The following SBF2 variants were observed in gnomAD, a reference collection of about 807,000 sequenced individuals.
SBF2 encodes myotubularin-related protein 13.
In SBF2, 112 loss-of-function variants were observed where a neutral mutation model predicts 225.2. The observed-to-expected ratio is 0.50, with a 90% CI of 0.43 to 0.58. The LOEUF is 0.58. Among genes scored for constraint, SBF2 ranks in the 20% least tolerant of loss-of-function variants. SBF2 has a pLI of 0.00. For synonymous variants in SBF2, 763 were observed against 773.3 expected (o/e 0.99, Z 0.22); for missense variants, 1,996 against 2,206.2 (o/e 0.90, Z 1.91).
At chr11:9,976,177 G>A (rs560217711) in intron 13 of SBF2, among the ~76,000 whole-genome samples, 2 of 150,042 alleles carry the variant, frequency 1.3e-5, no homozygotes, top group Middle Eastern at 7.0e-3. Context: ...AGGTTCAAGC[G>A]ATTCTCCTGC....
intron 16 of SBF2, among the ~76,000 whole-genome samples, chr11:9,900,020 CCTT>C (rs1861591286): frequency 2.2e-5 from 3 of 134,820 alleles, no homozygotes; most frequent in Admixed American, 1.5e-4. Context: ...ACAAGGTTTT[CCTT>C]TTCTTCTTTT....
chr11:10,167,279 A>G (rs1591112247), intron 2 of SBF2, among the ~76,000 whole-genome samples: 2 of 152,296 alleles, frequency 1.3e-5, no homozygotes, highest in South Asian at 2.1e-4. Flanking sequence ...CACATTAAAG[A>G]TATTTTCTTC....
chr11:10,015,842 C>T (rs912672221), intron 6 of SBF2, among the ~76,000 whole-genome samples: 2 of 151,868 alleles, frequency 1.3e-5, no homozygotes, highest in African/African-American at 4.8e-5. Flanking sequence ...CTCACTCTGT[C>T]ACCAGGCTGT....
intron 14 of SBF2, among the ~76,000 whole-genome samples, chr11:9,964,718 G>T (rs1324538892): frequency 6.6e-6 from 1 of 152,106 alleles, no homozygotes; most frequent in Non-Finnish European, 1.5e-5. Flanking sequence ...GAAAATTCTA[G>T]TGTATTACCT....
At chr11:9,871,997 A>T (rs1204986114) in intron 17 of SBF2, among the ~76,000 whole-genome samples, 1 of 152,204 alleles carries the variant, frequency 6.6e-6, no homozygotes, top group East Asian at 1.9e-4. Flanking sequence ...GTAAATCAGT[A>T]TATTATAAAG....
chr11:10,017,134 G>A (rs891681677), intron 6 of SBF2, among the ~76,000 whole-genome samples: 3 of 152,114 alleles, frequency 2.0e-5, no homozygotes, highest in African/African-American at 7.2e-5. Flanking sequence ...TTCTTGAAAG[G>A]TTAGAGTTCT....
At chr11:10,179,103 G>A (rs60330649) in intron 2 of SBF2, among the ~76,000 whole-genome samples, 19 of 147,906 alleles carry the variant, frequency 1.3e-4, no homozygotes, top group Non-Finnish European at 2.4e-4. Flanking sequence ...AACAAAAAAC[G>A]AAACACCACA....
intron 1 of SBF2, among the ~76,000 whole-genome samples, chr11:10,281,277 G>A (rs1963388259): frequency 6.6e-6 from 1 of 152,108 alleles, no homozygotes; most frequent in Admixed American, 6.5e-5. Flanking sequence ...TATACCTAGG[G>A]TTTGGGCCTT....
chr11:9,965,368 C>A (rs1866837668), intron 14 of SBF2, among the ~76,000 whole-genome samples: 1 of 141,286 alleles, frequency 7.1e-6, no homozygotes, highest in South Asian at 2.3e-4. Context: ...ATGGCACGAT[C>A]TCGGCTGCCT....
chr11:9,782,004 G>A (rs1042927743), intron 38 of SBF2, among the ~76,000 whole-genome samples: 1 of 151,958 alleles, frequency 6.6e-6, no homozygotes, highest in Non-Finnish European at 1.5e-5. Context: ...GGGCAACATG[G>A]TGAAACCCCG....
At position 9,965,916 on chromosome 11, in the gene SBF2, T is replaced by G. The variant is rs112939179; in HGVS notation, c.1601-2034A>C. On this transcript the variant is annotated intron_variant, in intron 14 of 39. Coordinates refer to ENST00000256190, the MANE Select transcript of SBF2 (RefSeq NM_030962.4). ...ACACACATAGGTTGGTGGCATTAAC[T>G]GAAAATCTATCTATATTAGAATAGA... 3.8e-3 allele frequency among the ~76,000 whole-genome samples: 581 copies of G among 152,306 alleles called. 3 individuals carry two copies. Among genetic ancestry groups the G allele is most frequent in the African/African-American group, 0.013 (554 of 41,556 alleles).
At chr11:10,070,568 A>T (rs1191486021) in intron 2 of SBF2, among the ~76,000 whole-genome samples, 2 of 152,188 alleles carry the variant, frequency 1.3e-5, no homozygotes, top group African/African-American at 4.8e-5. Context: ...ATAGCCTTGT[A>T]GTATAGTTTG....
chr11:9,867,979 T>C (rs1858373296), intron 17 of SBF2, among the ~76,000 whole-genome samples: 1 of 152,150 alleles, frequency 6.6e-6, no homozygotes. Flanking sequence ...CAATAATTTA[T>C]TGTATATTTC....
chr11:9,826,706 G>A (rs1855081276), intron 28 of SBF2, among the ~76,000 whole-genome samples: 1 of 142,306 alleles, frequency 7.0e-6, no homozygotes, highest in Non-Finnish European at 1.5e-5. Context: ...TACTTAGTGT[G>A]TGGTGTGTAT....
At chr11:10,101,293 G>T (rs1255331033) in intron 2 of SBF2, among the ~76,000 whole-genome samples, 5 of 152,202 alleles carry the variant, frequency 3.3e-5, no homozygotes, top group Non-Finnish European at 7.3e-5. Context: ...GGGACCAACA[G>T]GAGAAAGCTG....
intron 5 of SBF2, 59 bp from the exon 6 acceptor site, chr11:10,028,616 A>C: frequency 9.0e-7 from 1 of 1,106,630 alleles, no homozygotes; most frequent in Non-Finnish European, 1.4e-6. Context: ...TTTTTAAAAA[A>C]TAAAAATACC....
intron 16 of SBF2, chr11:9,958,728 G>A (rs949432780): frequency 2.5e-6 from 1 of 401,970 alleles, no homozygotes; most frequent in Non-Finnish European, 5.0e-6. Context: ...ACAGCTGGAG[G>A]TCTAGTTCAC....
chr11:10,267,710 A>G (rs562400751), intron 1 of SBF2, among the ~76,000 whole-genome samples: 73 of 152,250 alleles, frequency 4.8e-4, no homozygotes, highest in African/African-American at 1.7e-3. Flanking sequence ...CAAACCCGAA[A>G]CTGTCTACAC....
At chr11:10,238,630 T>C (rs1213908729) in intron 1 of SBF2, among the ~76,000 whole-genome samples, 1 of 150,370 alleles carries the variant, frequency 6.7e-6, no homozygotes, top group Non-Finnish European at 1.5e-5. Flanking sequence ...CAAAATAACA[T>C]GGCTGGGCGC....
Sources: gnomAD v4.1 joint callset for allele counts (sites outside exome capture counted in the v4.1 genomes callset) on GRCh38, gnomAD v4.1.1 for gene constraint, MANE v1.5 for transcripts, NCBI Gene and HGNC (gene_info 2026-07-23, HGNC 2026-07-21) for gene names.